Variants in HSD3B2 observed in about 807,000 individuals in gnomAD.
HSD3B2 encodes 3 beta-hydroxysteroid dehydrogenase/Delta 5-->4-isomerase type 2.
HSD3B2 carries 8 observed loss-of-function variants against 9.9 expected under a neutral mutation model. The observed-to-expected ratio is 0.81, with a 90% CI of 0.47 to 1.46. The LOEUF (loss-of-function observed/expected upper bound fraction) is 1.46, where lower values mean the gene tolerates loss of function less well. HSD3B2 is among the 40% of genes most tolerant of loss of function. The probability of loss-of-function intolerance (pLI) is 0.00; values close to 1 mark genes in which losing one functional copy is unlikely to be tolerated. For synonymous variants in HSD3B2, 221 were observed against 184.5 expected, an observed-to-expected ratio of 1.20 and a Z score of -1.60; for missense variants, 410 against 448.3, an observed-to-expected ratio of 0.91 and a Z score of 0.77.
chr1:119,419,370 C>T (rs1170036348), intron 2 of HSD3B2, 48 bp from the exon 3 acceptor site: 1 of 1,603,788 alleles, frequency 6.2e-7, no homozygotes, highest in Non-Finnish European at 8.5e-7. Context: ...GAAAACTTCC[C>T]AGCCAGATCC....
At chr1:119,416,553 G>A (rs938507616) in intron 2 of HSD3B2, among the ~76,000 whole-genome samples, 20 of 152,078 alleles carry the variant, frequency 1.3e-4, no homozygotes, top group African/African-American at 4.6e-4. Flanking sequence ...CTTGACCCCC[G>A]GGCTAATCCT....
At chr1:119,420,989 C>A (rs931196846) in intron 3 of HSD3B2, among the ~76,000 whole-genome samples, 1 of 152,178 alleles carries the variant, frequency 6.6e-6, no homozygotes, top group African/African-American at 2.4e-5. Context: ...TTCCAGGGAA[C>A]ACACAATCAG....
At position 119,422,771 on chromosome 1, in the gene HSD3B2, T is replaced by A. The variant is rs1651931855; in HGVS notation, c.*151T>A. ...TGCCCAACTTACTGTCTTCTTCATGTCATCAAAATCTGCACAGTCACTGGC... is the reference window on the plus strand; with the variant it reads ...TGCCCAACTTACTGTCTTCTTCATGACATCAAAATCTGCACAGTCACTGGC... On this transcript the variant is annotated 3_prime_UTR_variant, in exon 4 of 4. Coordinates refer to ENST00000369416, the MANE Select transcript of HSD3B2 (RefSeq NM_000198.4). The A allele has an allele frequency of 8.8e-6, 8 of 910,346 alleles. No homozygotes were observed. In the South Asian group the frequency reaches 1.2e-4, roughly 14 times the overall value. 56.4% of individuals were successfully genotyped at this position (910,346 alleles called of 1,614,324 possible). A position where few individuals can be genotyped will look rare whatever the true frequency, so the allele number is the denominator to read the frequency against.
At chr1:119,418,344 T>C (rs1456234116) in intron 2 of HSD3B2, among the ~76,000 whole-genome samples, 1 of 152,194 alleles carries the variant, frequency 6.6e-6, no homozygotes, top group African/African-American at 2.4e-5. Context: ...AGCAGGAAAC[T>C]GTAAGGGTGA....
chr1:119,416,875 C>G (rs1651725808), intron 2 of HSD3B2, among the ~76,000 whole-genome samples: 1 of 152,172 alleles, frequency 6.6e-6, no homozygotes, highest in Middle Eastern at 3.4e-3. Context: ...CATCTGATAC[C>G]AGGAAAAAGC....
rs1266831898 is a variant in HSD3B2 at position 119,415,482 on chromosome 1, G to GT, written c.65dup (p.Leu22PhefsTer27). ...TTCTGGGTCAGAGGATCGTCCGCCT[G>GT]TTGGTGGAAGAGAAGGAACTGAAGG... On this transcript the variant is annotated frameshift_variant, in exon 2 of 4. Coordinates refer to ENST00000369416, the MANE Select transcript of HSD3B2 (RefSeq NM_000198.4). LOFTEE classifies it high-confidence loss of function. The GT allele has an allele frequency of 5.0e-6, 8 of 1,613,772 alleles. No individual in the cohort carries two copies. The African/African-American group carries it at 1.1e-4, about 22-fold the overall frequency.
chr1:119,421,846 T>C lies in HSD3B2; in HGVS notation c.345T>C (p.Ser115=). The C allele has an allele frequency of 6.2e-7, 1 of 1,613,348 alleles. No homozygotes were observed. ...TGTTGGAGGCCTGTGTCCAAGCCAG[T>C]GTGCCAGTCTTCATCTACACCAGTA... is the stretch of plus-strand genomic sequence containing the variant. The part of the protein sequence containing the change: ...QLLLEACVQA[S]VPVFIYTSSI... Residue 115 remains serine (S), a synonymous_variant, in exon 4 of 4, where the codon AGT becomes AGC. Transcript: ENST00000369416.
chr1:119,417,991 C>G (rs1651755944), intron 2 of HSD3B2, among the ~76,000 whole-genome samples: 1 of 152,132 alleles, frequency 6.6e-6, no homozygotes, highest in Non-Finnish European at 1.5e-5. Context: ...AGGAAATAAG[C>G]AAGCTGTGAG....
At chr1:119,421,403 GTATATATATATATGTATATATA>G (rs1651854288) in intron 3 of HSD3B2, among the ~76,000 whole-genome samples, 3 of 66,830 alleles carry the variant, frequency 4.5e-5, no homozygotes, top group African/African-American at 7.6e-5. Context: ...ATATATATAT[GTATATATATATATGTATATATA>G]TGTATATATA....
intron 2 of HSD3B2, among the ~76,000 whole-genome samples, chr1:119,417,753 G>T (rs12411115): frequency 0.24 from 36,841 of 152,076 alleles, 6,713 homozygotes; most frequent in African/African-American, 0.51. Context: ...TGGCCTTTGT[G>T]GGCATTTTCA....
At position 119,422,386 on chromosome 1, in the gene HSD3B2, C is replaced by T. The variant is rs778481893; in HGVS notation, c.885C>T (p.Phe295=). The T allele has an allele frequency of 4.2e-5, 67 of 1,614,042 alleles. No homozygotes were observed. Among genetic ancestry groups the T allele is most frequent in the Non-Finnish European group, 5.4e-5 (64 of 1,180,012 alleles). Residue 295 remains phenylalanine, a synonymous_variant, in exon 4 of 4, where the codon TTC becomes TTT. Transcript: ENST00000369416. The stretch of plus-strand genomic sequence containing the variant: ...TAACCCTGATGTACTGGATTGGCTT[C>T]CTGCTGGAAGTAGTGAGCTTCCTAC... ...LPLTLMYWIG[F]LLEVVSFLLS...
chr1:119,421,439 ATG>A (rs1651862375), intron 3 of HSD3B2, among the ~76,000 whole-genome samples: 1 of 24,410 alleles, frequency 4.1e-5, no homozygotes, highest in South Asian at 1.6e-3. Context: ...ATATATATAT[ATG>A]TATATATATA....
chr1:119,419,008 C>A (rs1308302301), intron 2 of HSD3B2, among the ~76,000 whole-genome samples: 1 of 152,066 alleles, frequency 6.6e-6, no homozygotes, highest in African/African-American at 2.4e-5. Context: ...GTGCTGGAGA[C>A]CCAAAATCAT....
rs2101350067 is a variant in HSD3B2, at chr1:119,422,218, G to T, written c.717G>T (p.Leu239=). ...AWAHILALRA[L]RDPKKAPSVR... ...CCCACATTCTGGCCTTGAGGGCTCTGCGGGACCCCAAGAAGGCCCCAAGTG... is the reference window on the plus strand; with the variant it reads ...CCCACATTCTGGCCTTGAGGGCTCTTCGGGACCCCAAGAAGGCCCCAAGTG... Residue 239 remains leucine (L), a synonymous_variant, in exon 4 of 4, where the codon CTG becomes CTT. Coordinates refer to ENST00000369416, the MANE Select transcript of HSD3B2 (RefSeq NM_000198.4). 1 of 1,614,072 alleles carries T rather than the reference G, an allele frequency of 6.2e-7. No homozygotes were observed. Among genetic ancestry groups the T allele is most frequent in the Non-Finnish European group, 8.5e-7 (1 of 1,180,002 alleles).
intron 2 of HSD3B2, among the ~76,000 whole-genome samples, chr1:119,416,905 G>A (rs1313866012): frequency 6.6e-6 from 1 of 152,234 alleles, no homozygotes; most frequent in Non-Finnish European, 1.5e-5. Context: ...TCTAGAGGAA[G>A]AGTTCTGCTA....
Position 119,422,449 on chromosome 1 carries a change from CCA to C in HSD3B2, c.953_954del (p.Thr318SerfsTer6). On this transcript the variant is annotated frameshift_variant, in exon 4 of 4. Transcript: ENST00000369416. LOFTEE classifies it low-confidence loss of function (END_TRUNC). Reference protein sequence around the residue: ...IYSYQPPFNRHTVTLSNSVFT... With the variant: ...IYSYQPPFNRXTVTLSNSVFT... Reference sequence around the variant, plus strand: ...ACTCCTATCAACCCCCCTTCAACCGCCACACAGTCACATTATCAAATAGTGTG... The same window carrying C: ...ACTCCTATCAACCCCCCTTCAACCGCCACAGTCACATTATCAAATAGTGTG... The C allele has an allele frequency of 6.2e-7, 1 of 1,614,128 alleles. No individual in the cohort carries two copies. The highest frequency in any genetic ancestry group is 8.5e-7 in the Non-Finnish European group (1 of 1,179,994).
chr1:119,418,673 A>G (rs1651777079), intron 2 of HSD3B2, among the ~76,000 whole-genome samples: 1 of 148,674 alleles, frequency 6.7e-6, no homozygotes, highest in Non-Finnish European at 1.5e-5. Context: ...TTATTTTGAG[A>G]CAGGGTCTTT....
upstream of HSD3B2, chr1:119,415,112 G>A: frequency 2.5e-6 from 1 of 397,228 alleles, no homozygotes; most frequent in South Asian, 2.2e-5. Context: ...TGAGACACAA[G>A]CCACAGAGCA....
At position 119,422,515 on chromosome 1, in the gene HSD3B2, G is replaced by T. The variant is rs116342586; in HGVS notation, c.1014G>T (p.Ala338=). The T allele has an allele frequency of 2.5e-5, 40 of 1,613,968 alleles. No homozygotes were observed. Among genetic ancestry groups the T allele is most frequent in the South Asian group, 9.9e-5 (9 of 91,078 alleles). Residue 338 remains alanine (A), a synonymous_variant, in exon 4 of 4, where the codon GCG becomes GCT. Coordinates refer to ENST00000369416, the MANE Select transcript of HSD3B2 (RefSeq NM_000198.4). The part of the protein sequence containing the change: ...FSYKKAQRDL[A]YKPLYSWEEA... ...ACAAGAAGGCTCAGCGAGATCTGGC[G>T]TATAAGCCACTCTACAGCTGGGAGG... is the stretch of plus-strand genomic sequence containing the variant.
Sources: gnomAD v4.1 joint callset for allele counts (sites outside exome capture counted in the v4.1 genomes callset) on GRCh38, gnomAD v4.1.1 for gene constraint, MANE v1.5 for transcripts, NCBI Gene and HGNC (gene_info 2026-07-23, HGNC 2026-07-21) for gene names.